The following SLC25A26 variants were observed in gnomAD, a reference collection of about 807,000 sequenced individuals.
SLC25A26 encodes the protein mitochondrial S-adenosylmethionine carrier protein.
Under a neutral mutation model 37.8 loss-of-function variants are expected in SLC25A26, and 36 were observed. That is an observed-to-expected ratio of 0.95 (90% CI 0.73 to 1.26). SLC25A26 has a LOEUF of 1.26. SLC25A26 is among the 50% of genes most tolerant of loss of function. The pLI is 0.00. For missense variants in SLC25A26, 390 were observed against 331.1 expected (o/e 1.18, Z -1.38); for synonymous variants, 129 against 122.5 (o/e 1.05, Z -0.35).
At chr3:66,182,348 A>G (rs1221270516) in intron 1 of SLC25A26, among the ~76,000 whole-genome samples, 1 of 152,182 alleles carries the variant, frequency 6.6e-6, no homozygotes, top group Non-Finnish European at 1.5e-5. Flanking sequence ...AGTACAAACT[A>G]TAGAAATTAA....
intron 1 of SLC25A26, among the ~76,000 whole-genome samples, chr3:66,229,440 G>A (rs1553662249): frequency 6.6e-6 from 1 of 152,168 alleles, no homozygotes; most frequent in African/African-American, 2.4e-5. Context: ...TAATTGGATC[G>A]TGGGGACAGT....
chr3:66,209,413 G>GTATATA (rs1309890987), intron 1 of SLC25A26, among the ~76,000 whole-genome samples: 1 of 136,066 alleles, frequency 7.3e-6, no homozygotes, highest in Non-Finnish European at 1.5e-5. Context: ...ATGTGTATAT[G>GTATATA]TATATATATC....
intron 1 of SLC25A26, among the ~76,000 whole-genome samples, chr3:66,233,798 G>C (rs1159883162): frequency 6.6e-6 from 1 of 152,050 alleles, no homozygotes; most frequent in Non-Finnish European, 1.5e-5. Context: ...TGTTTTACCA[G>C]ACAAGTAAAT....
upstream of SLC25A26, among the ~76,000 whole-genome samples, chr3:66,218,565 C>T (rs976258547): frequency 2.2e-4 from 34 of 152,246 alleles, no homozygotes; most frequent in African/African-American, 7.0e-4. Flanking sequence ...CCTCATCTTC[C>T]GGTATTTAGG....
intron 1 of SLC25A26, among the ~76,000 whole-genome samples, chr3:66,181,144 C>T (rs1466023151): frequency 3.3e-5 from 5 of 152,176 alleles, no homozygotes; most frequent in African/African-American, 1.2e-4. Context: ...TTCTGTTTGG[C>T]AGTTCTAGGC....
chr3:66,301,524 G>A (rs184540739), intron 5 of SLC25A26, among the ~76,000 whole-genome samples: 1 of 152,316 alleles, frequency 6.6e-6, no homozygotes, highest in African/African-American at 2.4e-5. Flanking sequence ...CAGAAGCCAA[G>A]AATGTCATTA....
intron 3 of SLC25A26, among the ~76,000 whole-genome samples, chr3:66,249,021 A>C (rs2072970317): frequency 6.6e-6 from 1 of 152,232 alleles, no homozygotes; most frequent in Non-Finnish European, 1.5e-5. Context: ...TTGGCTCAGT[A>C]ATTCCCTACA....
chr3:66,291,894 G>A (rs1316655596), intron 5 of SLC25A26, among the ~76,000 whole-genome samples: 1 of 152,182 alleles, frequency 6.6e-6, no homozygotes, highest in Non-Finnish European at 1.5e-5. Context: ...AATATTGACA[G>A]TTGGTGTTAA....
rs1700812503 is a variant in SLC25A26 at position 66,378,454 on chromosome 3, C to T, written c.*647C>T. 1 of 152,668 alleles carries T rather than the reference C, an allele frequency of 6.6e-6. No individual in the cohort carries two copies. Among genetic ancestry groups the T allele is most frequent in the East Asian group, 1.9e-4 (1 of 5,196 alleles). The allele number at this position is 152,668 out of a possible 1,614,324, so 9.5% of individuals were successfully genotyped here. ...TGTGGTGTGTGAGAGAAAGCAGCTG[C>T]AACTCAAGTGACTAGGTGGGCCCAG... On this transcript the variant is annotated 3_prime_UTR_variant, in exon 10 of 10. Transcript: ENST00000354883.
At chr3:66,268,759 G>T (rs1482444778) in intron 5 of SLC25A26, among the ~76,000 whole-genome samples, 1 of 152,206 alleles carries the variant, frequency 6.6e-6, no homozygotes, top group African/African-American at 2.4e-5. Flanking sequence ...GGACCTGATG[G>T]GAGGTGATTG....
chr3:66,254,367 T>A (rs1010979393), intron 3 of SLC25A26, among the ~76,000 whole-genome samples: 5 of 152,244 alleles, frequency 3.3e-5, no homozygotes, highest in Non-Finnish European at 7.3e-5. Context: ...GGAAATGAAA[T>A]ACACGTAAGC....
At chr3:66,312,965 C>CTGTT (rs758323579) in intron 5 of SLC25A26, among the ~76,000 whole-genome samples, 15 of 151,978 alleles carry the variant, frequency 9.9e-5, no homozygotes, top group African/African-American at 2.7e-4. Flanking sequence ...CCAGATCCCC[C>CTGTT]TGTTTGTTTG....
chr3:66,368,913 G>A (rs1429497122), intron 7 of SLC25A26, among the ~76,000 whole-genome samples: 1 of 151,768 alleles, frequency 6.6e-6, no homozygotes, highest in Non-Finnish European at 1.5e-5. Context: ...AGCTACTCAG[G>A]AGGAGGCTAA....
intron 7 of SLC25A26, among the ~76,000 whole-genome samples, chr3:66,364,872 A>G (rs754540927): frequency 5.3e-5 from 8 of 152,188 alleles, no homozygotes; most frequent in African/African-American, 9.7e-5. Flanking sequence ...AAGTTCTGAT[A>G]AGTGAAGGAG....
intron 3 of SLC25A26, among the ~76,000 whole-genome samples, chr3:66,254,727 C>A (rs2073233693): frequency 6.6e-6 from 1 of 152,252 alleles, no homozygotes; most frequent in South Asian, 2.1e-4. Flanking sequence ...CCTTCAGCAA[C>A]TTCTATGATC....
rs755461919 is a variant in SLC25A26 at position 66,263,350 on chromosome 3, C to G, written c.424C>G (p.Arg142Gly). Residue 142 changes from arginine to glycine, a missense_variant, in exon 5 of 10, where the codon CGA becomes GGA. Physicochemically the swap from Arg to Gly is moderately radical, Grantham distance 125. Coordinates refer to ENST00000354883, the MANE Select transcript of SLC25A26 (RefSeq NM_001379210.1). ...LYEEGIQGLY[R>G]GYKSTVLREI... Reference sequence around the variant, plus strand: ...GTTTCAGGGTATCCAAGGGTTGTATCGAGGCTATAAAAGCACAGTTTTAAG... The same window carrying G: ...GTTTCAGGGTATCCAAGGGTTGTATGGAGGCTATAAAAGCACAGTTTTAAG... 3 of 1,612,058 alleles carry G rather than the reference C, an allele frequency of 1.9e-6. No individual in the cohort carries two copies. Among genetic ancestry groups the G allele is most frequent in the Non-Finnish European group, 2.5e-6 (3 of 1,178,776 alleles).
intron 1 of SLC25A26, among the ~76,000 whole-genome samples, chr3:66,154,009 C>T (rs1237407391): frequency 1.3e-5 from 2 of 152,156 alleles, no homozygotes; most frequent in Non-Finnish European, 2.9e-5. Flanking sequence ...TAGCCGAGTC[C>T]TTTCACGTAA....
At chr3:66,154,264 G>T (rs908513228) in intron 1 of SLC25A26, among the ~76,000 whole-genome samples, 19 of 152,166 alleles carry the variant, frequency 1.2e-4, no homozygotes, top group Non-Finnish European at 1.5e-4. Context: ...CACTGTAGTA[G>T]CTTCAGCAGA....
chr3:66,216,380 C>T (rs1472574685), upstream of SLC25A26, among the ~76,000 whole-genome samples: 2 of 152,076 alleles, frequency 1.3e-5, no homozygotes, highest in African/African-American at 2.4e-5. Flanking sequence ...GGTGTTGTGG[C>T]ATGCCTCTGT....
Sources: gnomAD v4.1 joint callset for allele counts (sites outside exome capture counted in the v4.1 genomes callset) on GRCh38, gnomAD v4.1.1 for gene constraint, MANE v1.5 for transcripts, NCBI Gene and HGNC (gene_info 2026-07-23, HGNC 2026-07-21) for gene names.